Variants in TASOR2 observed in about 807,000 individuals in gnomAD.
TASOR2 encodes the protein protein TASOR 2.
TASOR2 carries 84 observed loss-of-function variants against 199.5 expected under a neutral mutation model. That is an observed-to-expected ratio of 0.42 (90% confidence interval 0.35 to 0.50). The LOEUF (loss-of-function observed/expected upper bound fraction) is 0.50. Ranked by LOEUF, TASOR2 falls within the 20% of genes least tolerant of loss-of-function variation. TASOR2 has a pLI of 0.02. For missense variants in TASOR2, 2,796 were observed against 2,835.9 expected, an observed-to-expected ratio of 0.99 and a Z score of 0.32; for synonymous variants, 1,103 against 1,046.6, an observed-to-expected ratio of 1.05 and a Z score of -1.04.
chr10:5,720,829 C>T lies in TASOR2; in HGVS notation c.47-42C>T. 8 of 1,592,218 alleles carry T rather than the reference C, an allele frequency of 5.0e-6. No individual in the cohort carries two copies. The highest frequency in any genetic ancestry group is 6.8e-6 in the Non-Finnish European group (8 of 1,173,200). ...TTTTTTTTTTCTTGAGTAAATGTTT[C>T]ATCATAAATAATCAGTTTCTTTTTT... On this transcript the variant is annotated intron_variant, in intron 5 of 20. Transcript: ENST00000328090. The surrounding 1 kb of genome is among the most constrained non-coding windows in gnomAD (Gnocchi z 5.3).
At chr10:5,746,567 C>G (rs371108148) in exon 15 of TASOR2, 1 of 1,613,930 alleles carries the variant, frequency 6.2e-7, no homozygotes, top group Non-Finnish European at 8.5e-7. Flanking sequence ...GTGATTAACC[C>G]GGAACCAATT....
intron 18 of TASOR2, among the ~76,000 whole-genome samples, chr10:5,760,655 G>C (rs1839675637): frequency 6.6e-6 from 1 of 152,170 alleles, no homozygotes. Context: ...ACTATGTTCA[G>C]TATGATGTCA....
In TASOR2 at chr10:5,685,692, CA is replaced by C. The variant is rs1163415485; in HGVS notation, c.-288+519del. On this transcript the variant is annotated intron_variant, in intron 1 of 20. Transcript: ENST00000328090. This position sits in a 1 kb window ranked among gnomAD's most constrained non-coding sequence, Gnocchi z 5.4. ...CCGCGTTGGGATAACTTGGTGCGAG[CA>C]ACACAGAAGTTTGTCTGAAGGCGGC... Among the ~76,000 whole-genome samples the C allele has an allele frequency of 1.3e-5, 2 of 152,162 alleles. No individual in the cohort carries two copies. The highest frequency in any genetic ancestry group is 2.9e-5 in the Non-Finnish European group (2 of 68,024).
rs764685066 is a variant in TASOR2 at position 5,746,265 on chromosome 10, T to G, written c.2844T>G (p.Pro948=). ...TTGGAAGTACACAAACTAATGGACC[T>G]TCTGTTCCTAGTGAAGAAGAAATTG... Residue 948 remains proline (P), a synonymous_variant, in exon 15 of 21, where the codon CCT becomes CCG. Transcript: ENST00000328090. The G allele has an allele frequency of 1.5e-5, 25 of 1,613,982 alleles. No homozygotes were observed. The South Asian group carries it at 2.6e-4, about 17-fold the overall frequency.
chr10:5,746,645 G>C (rs2797491), exon 15 of TASOR2: 1,342,426 of 1,614,070 alleles, frequency 0.83, 559,142 homozygotes, highest in Admixed American at 0.89. Flanking sequence ...GCTGATGAAC[G>C]TACAACCTTT....
At position 5,712,919 on chromosome 10, in the gene TASOR2, G is replaced by T; in HGVS notation, c.-192+1G>T. 1 of 1,220,726 alleles carries T rather than the reference G, an allele frequency of 8.2e-7. No individual in the cohort carries two copies. The highest frequency in any genetic ancestry group is 1.0e-6 in the Non-Finnish European group (1 of 977,834). The allele number at this position is 1,220,726 out of a possible 1,614,324, so 75.6% of individuals were successfully genotyped here. The stretch of plus-strand genomic sequence containing the variant: ...TCTTCTGTTTGATACTGAAAAGCAG[G>T]TAAGGGAATTAGGTTGTAGAAAATT... On this transcript the variant is annotated splice_donor_variant, in intron 2 of 20. Coordinates refer to ENST00000328090, the Ensembl canonical transcript of TASOR2. LOFTEE classifies it low-confidence loss of function (5UTR_SPLICE).
At chr10:5,697,396 A>G (rs1409197041) in intron 1 of TASOR2, among the ~76,000 whole-genome samples, 28 of 152,226 alleles carry the variant, frequency 1.8e-4, no homozygotes, top group Non-Finnish European at 1.5e-5. Context: ...TATTTCAGGT[A>G]TCTCCAGCAA....
At chr10:5,707,951 C>T (rs564991964) in intron 1 of TASOR2, among the ~76,000 whole-genome samples, 2 of 152,236 alleles carry the variant, frequency 1.3e-5, no homozygotes, top group East Asian at 3.9e-4. Flanking sequence ...CCTGGTCTCC[C>T]TATTCCTAAT....
At chr10:5,716,021 A>G (rs60603196) in intron 2 of TASOR2, among the ~76,000 whole-genome samples, 69 of 152,350 alleles carry the variant, frequency 4.5e-4, no homozygotes, top group African/African-American at 1.6e-3. Context: ...CCTAGGCTGT[A>G]TGGTGTAGCC....
intron 1 of TASOR2, chr10:5,693,032 G>T (rs1385803802): frequency 6.6e-6 from 1 of 152,292 alleles, no homozygotes; most frequent in Non-Finnish European, 1.5e-5. Context: ...CGCTGAGTGC[G>T]AAGGAGACCC....
chr10:5,689,248 T>A lies in TASOR2; in HGVS notation c.-288+4073T>A, dbSNP rs1449776130. On this transcript the variant is annotated intron_variant, in intron 1 of 20. Coordinates refer to ENST00000328090, the Ensembl canonical transcript of TASOR2. The surrounding 1 kb of genome is among the most constrained non-coding windows in gnomAD (Gnocchi z 4.1). ...TATCAATTCATTTTGTTCTGACTGT[T>A]TTTTGTGGGTTCTTTTGTTGTTTGT... Among the ~76,000 whole-genome samples, 4 of 152,204 alleles carry A rather than the reference T, an allele frequency of 2.6e-5. No individual in the cohort carries two copies. Among genetic ancestry groups the A allele is most frequent in the Non-Finnish European group, 5.9e-5 (4 of 68,046 alleles).
intron 14 of TASOR2, 88 bp from the exon 16 acceptor site, chr10:5,746,091 T>G: frequency 7.4e-7 from 1 of 1,356,202 alleles, no homozygotes; most frequent in Non-Finnish European, 9.8e-7. Flanking sequence ...TTAATTTTTA[T>G]CTTTTCTGTT....
chr10:5,716,449 A>G lies in TASOR2; in HGVS notation c.-191-1210A>G, dbSNP rs982922635. Among the ~76,000 whole-genome samples, 11 of 152,336 alleles carry G rather than the reference A, an allele frequency of 7.2e-5. No homozygotes were observed. In the East Asian group the frequency reaches 1.9e-3, roughly 27 times the overall value. On this transcript the variant is annotated intron_variant, in intron 2 of 20. Transcript: ENST00000328090. ...AAAATTTAAAGTTTACATTCAACTC[A>G]TCTTCTAAGGGACGTTAAAAGTGAT...
Position 5,698,447 on chromosome 10 carries a change from A to T in TASOR2, c.-288+13272A>T, listed in dbSNP as rs61611877. Among the ~76,000 whole-genome samples the T allele has an allele frequency of 6.2e-3, 952 of 152,340 alleles. 16 individuals are homozygous for T. The highest frequency in any genetic ancestry group is 0.045 in the South Asian group (217 of 4,832). On this transcript the variant is annotated intron_variant, in intron 1 of 20. Transcript: ENST00000328090. The surrounding 1 kb of genome is among the most constrained non-coding windows in gnomAD (Gnocchi z 4.4). The stretch of plus-strand genomic sequence containing the variant: ...ACCGAACAGTTATATGATTAAAAAT[A>T]AAAAAAGAGAGAGAAAAACCACAAT...
rs997604577 is a variant in TASOR2, at chr10:5,763,123, G to C, written c.*91G>C. 1.6e-5 allele frequency: 19 copies of C among 1,217,070 alleles called. No homozygotes were observed. The African/African-American group carries it at 2.5e-4, about 16-fold the overall frequency. The allele number at this position is 1,217,070 out of a possible 1,614,324, so 75.4% of individuals were successfully genotyped here. The stretch of plus-strand genomic sequence containing the variant: ...CTTGTGAACATGTGAATACACATGT[G>C]AACAGTCTTACATTTGAAAAACCAA... On this transcript the variant is annotated 3_prime_UTR_variant, in exon 21 of 21. Transcript: ENST00000328090.
At position 5,736,106 on chromosome 10, in the gene TASOR2, T is replaced by TTTTTTTG. The variant is rs1305527952; in HGVS notation, c.1447+562_1447+568dup. On this transcript the variant is annotated intron_variant, in intron 12 of 20. Transcript: ENST00000328090. ...AGCACGTACCACCATGCTCAGCTAA[T>TTTTTTTG]TTTTTTGTATTTTTTTACAGAGACC... 2.0e-5 allele frequency among the ~76,000 whole-genome samples: 3 copies of TTTTTTTG among 152,230 alleles called. No homozygotes were observed. In the East Asian group the frequency reaches 5.8e-4, roughly 29 times the overall value.
intron 10 of TASOR2, among the ~76,000 whole-genome samples, chr10:5,727,549 G>C (rs1424627274): frequency 2.0e-5 from 3 of 152,026 alleles, no homozygotes; most frequent in African/African-American, 7.3e-5. Context: ...CCAAAATTTG[G>C]CTCCTGGGGG....
At chr10:5,696,578 A>G (rs1269550489) in intron 1 of TASOR2, among the ~76,000 whole-genome samples, 3 of 151,830 alleles carry the variant, frequency 2.0e-5, no homozygotes, top group South Asian at 2.1e-4. Flanking sequence ...CTGGTCTTCA[A>G]CTCCTGGGCT....
chr10:5,693,129 C>T (rs1836676506), intron 1 of TASOR2, among the ~76,000 whole-genome samples: 2 of 152,248 alleles, frequency 1.3e-5, no homozygotes, highest in Non-Finnish European at 2.9e-5. Context: ...AGTGAGGCCC[C>T]GCAGCAGAGC....
Sources: allele counts gnomAD v4.1 joint callset (sites outside exome capture counted in the v4.1 genomes callset), GRCh38; gene constraint gnomAD v4.1.1; non-coding constraint Gnocchi (gnomAD v3.1); transcripts MANE v1.5; gene names NCBI Gene and HGNC (gene_info 2026-07-23, HGNC 2026-07-21).